Variants in PPM1L observed in about 807,000 individuals in gnomAD.
The protein encoded by PPM1L is protein phosphatase, Mg2+/Mn2+ dependent 1L, also known as protein phosphatase 1L.
A neutral mutation model predicts 31.4 loss-of-function variants in PPM1L; 13 were observed. The ratio of observed to expected loss-of-function variants is 0.41; its 90% CI spans 0.27 to 0.66. The LOEUF (loss-of-function observed/expected upper bound fraction) is 0.66, where lower values mean the gene tolerates loss of function less well. PPM1L is among the 30% of genes least tolerant of loss of function. PPM1L has a pLI of 0.29. For synonymous variants in PPM1L, 184 were observed against 175.4 expected, an observed-to-expected ratio of 1.05 and a Z score of -0.39; for missense variants, 326 against 453.7, an observed-to-expected ratio of 0.72 and a Z score of 2.56.
At chr3:161,050,817 C>T (rs114343441) in intron 2 of PPM1L, among the ~76,000 whole-genome samples, 1 of 152,094 alleles carries the variant, frequency 6.6e-6, no homozygotes, top group African/African-American at 2.4e-5. Flanking sequence ...TGAGGTCAAT[C>T]CTTGTACATA....
intron 1 of PPM1L, among the ~76,000 whole-genome samples, chr3:160,837,195 A>G (rs771879845): frequency 5.3e-5 from 8 of 152,164 alleles, no homozygotes; most frequent in Non-Finnish European, 1.2e-4. Flanking sequence ...AATAAACTAT[A>G]TATAAAAAAA....
At chr3:160,953,560 G>T (rs1715640863) in intron 1 of PPM1L, among the ~76,000 whole-genome samples, 1 of 152,146 alleles carries the variant, frequency 6.6e-6, no homozygotes, top group East Asian at 1.9e-4. Context: ...TACTAAAAGT[G>T]ATTTGAAACA....
At chr3:161,033,291 A>G (rs569553732) in intron 2 of PPM1L, among the ~76,000 whole-genome samples, 58 of 152,288 alleles carry the variant, frequency 3.8e-4, no homozygotes, top group African/African-American at 1.2e-3. Context: ...ATTCAATGCT[A>G]TCCCCATCAA....
intron 1 of PPM1L, among the ~76,000 whole-genome samples, chr3:160,834,465 ATGTGTATGTGTGTGTGTG>A (rs1327765598): frequency 3.7e-4 from 43 of 115,422 alleles, no homozygotes; most frequent in Non-Finnish European, 4.9e-4. Flanking sequence ...GCATTTGTGT[ATGTGTATGTGTGTGTGTG>A]TGTGTGTGTG....
intron 2 of PPM1L, among the ~76,000 whole-genome samples, chr3:161,021,104 C>T (rs1718224188): frequency 6.6e-6 from 1 of 151,666 alleles, no homozygotes; most frequent in African/African-American, 2.4e-5. Flanking sequence ...GTTTAGTTTG[C>T]TCTTATTTTC....
intron 1 of PPM1L, among the ~76,000 whole-genome samples, chr3:160,905,564 G>T (rs191484765): frequency 2.1e-3 from 323 of 152,204 alleles, no homozygotes; most frequent in Non-Finnish European, 3.6e-3. Flanking sequence ...CTTGTAATCA[G>T]AATCATAATC....
In PPM1L at chr3:160,761,451, A is replaced by C. The variant is rs529830734; in HGVS notation, c.399+4744A>C. Among the ~76,000 whole-genome samples, 5 of 152,350 alleles carry C rather than the reference A, an allele frequency of 3.3e-5. No individual in the cohort carries two copies. The South Asian group carries it at 1.0e-3, about 32-fold the overall frequency. ...TATAGTGTCATTTTAATGAGGACCA[A>C]GGGAGAAATAGTACTCTATTACCTA... On this transcript the variant is annotated intron_variant, in intron 1 of 3. Transcript: ENST00000498165.
intron 2 of PPM1L, among the ~76,000 whole-genome samples, chr3:161,027,213 G>A (rs1352167268): frequency 1.3e-5 from 2 of 152,160 alleles, no homozygotes; most frequent in Non-Finnish European, 2.9e-5. Context: ...TTAGAAAGAT[G>A]GCTTTGACAG....
chr3:160,784,975 T>C (rs868536453), intron 1 of PPM1L, among the ~76,000 whole-genome samples: 21 of 152,234 alleles, frequency 1.4e-4, no homozygotes, highest in African/African-American at 5.1e-4. Flanking sequence ...TCTATCTGGC[T>C]CTGTGGTTGT....
At chr3:160,757,577 G>A (rs1714845605) in intron 1 of PPM1L, among the ~76,000 whole-genome samples, 1 of 152,252 alleles carries the variant, frequency 6.6e-6, no homozygotes, top group Non-Finnish European at 1.5e-5. Flanking sequence ...TGGAGGTTAG[G>A]CAAAGCTTGG....
chr3:160,886,333 C>T (rs996958338), intron 1 of PPM1L, among the ~76,000 whole-genome samples: 1 of 152,210 alleles, frequency 6.6e-6, no homozygotes, highest in Non-Finnish European at 1.5e-5. Context: ...CAGCAAAGCA[C>T]ACCCCATCCA....
chr3:160,849,732 G>GT (rs1280672481), intron 1 of PPM1L, among the ~76,000 whole-genome samples: 1 of 146,240 alleles, frequency 6.8e-6, no homozygotes, highest in Non-Finnish European at 1.5e-5. Context: ...CTAATTTTTT[G>GT]TTTTTGTATT....
At chr3:161,000,856 A>G (rs1025349350) in intron 2 of PPM1L, among the ~76,000 whole-genome samples, 5 of 152,220 alleles carry the variant, frequency 3.3e-5, no homozygotes, top group Non-Finnish European at 7.3e-5. Context: ...TACTTTACAC[A>G]GCTCAAAGAT....
At chr3:160,902,293 A>G (rs1280908723) in intron 1 of PPM1L, among the ~76,000 whole-genome samples, 1 of 152,194 alleles carries the variant, frequency 6.6e-6, no homozygotes, top group African/African-American at 2.4e-5. Context: ...TATAGCAGAA[A>G]CATAGTCATT....
intron 1 of PPM1L, among the ~76,000 whole-genome samples, chr3:160,820,829 A>C (rs191885755): frequency 2.0e-5 from 3 of 152,064 alleles, no homozygotes; most frequent in African/African-American, 7.2e-5. Context: ...TGTTGTTCCT[A>C]TATGCCAATG....
intron 1 of PPM1L, among the ~76,000 whole-genome samples, chr3:160,948,837 G>C (rs1434477787): frequency 6.6e-6 from 1 of 152,094 alleles, no homozygotes; most frequent in East Asian, 1.9e-4. Context: ...TCTTCTTGTG[G>C]AGGGTCTTGT....
Position 160,756,452 on chromosome 3 carries a change from C to G in PPM1L, c.144C>G (p.Ile48Met). 1.2e-6 allele frequency: 2 copies of G among 1,614,130 alleles called. No individual in the cohort carries two copies. Among genetic ancestry groups the G allele is most frequent in the Admixed American group, 1.7e-5 (1 of 60,016 alleles). Reference sequence around the variant, plus strand: ...TCCACACCGACGAGGTGAAGACCATCGTGAAGTCCAGCCGGGACGCCGTGA... The same window carrying G: ...TCCACACCGACGAGGTGAAGACCATGGTGAAGTCCAGCCGGGACGCCGTGA... ...YFFHTDEVKT[I>M]VKSSRDAVKM... The change falls in exon 1 of 4, where the codon ATC becomes ATG. Residue 48 changes from isoleucine to methionine, a missense_variant. Coordinates refer to ENST00000498165, the MANE Select transcript of PPM1L (RefSeq NM_139245.4). This position sits in a 1 kb window ranked among gnomAD's most constrained non-coding sequence, Gnocchi z 6.2.
chr3:160,858,923 A>G (rs1049038884), intron 1 of PPM1L, among the ~76,000 whole-genome samples: 2 of 152,120 alleles, frequency 1.3e-5, no homozygotes. Context: ...GGTCCAACCC[A>G]GTCTGTTCCC....
At chr3:160,787,776 T>A (rs1421901248) in intron 1 of PPM1L, among the ~76,000 whole-genome samples, 1 of 152,210 alleles carries the variant, frequency 6.6e-6, no homozygotes, top group Non-Finnish European at 1.5e-5. Context: ...GATTTTTGTA[T>A]ATGGTGAAAG....
Sources: gnomAD v4.1 joint callset for allele counts (sites outside exome capture counted in the v4.1 genomes callset) on GRCh38, gnomAD v4.1.1 for gene constraint, Gnocchi (gnomAD v3.1) non-coding constraint, MANE v1.5 for transcripts, NCBI Gene and HGNC (gene_info 2026-07-23, HGNC 2026-07-21) for gene names.